ASCC1: variants seen among roughly 807,000 people sequenced by gnomAD.
ASCC1 encodes the protein activating signal cointegrator 1 complex subunit 1.
Under a neutral mutation model 46.6 loss-of-function variants are expected in ASCC1, and 35 were observed. That is an observed-to-expected ratio of 0.75 (90% confidence interval 0.57 to 0.99). The LOEUF is 0.99. Among genes scored for constraint, ASCC1 ranks in the 50% least tolerant of loss-of-function variants. The pLI is 0.00. For synonymous variants in ASCC1, 143 were observed against 146.6 expected (o/e 0.98, Z 0.18); for missense variants, 376 against 428.7 (o/e 0.88, Z 1.09).
chr10:72,188,222 G>A (rs899887560), intron 5 of ASCC1, among the ~76,000 whole-genome samples: 6 of 149,114 alleles, frequency 4.0e-5, no homozygotes, highest in South Asian at 2.1e-4. Context: ...GGGTTCAAGC[G>A]ATTCTCCTGC....
At chr10:72,108,260 A>G (rs942526820) in intron 9 of ASCC1, among the ~76,000 whole-genome samples, 3 of 151,534 alleles carry the variant, frequency 2.0e-5, no homozygotes, top group African/African-American at 2.4e-5. Context: ...CATTTTTTAT[A>G]GAGACAGGGT....
chr10:72,127,664 C>CTTTTTTTTTT (rs3063665), intron 9 of ASCC1, among the ~76,000 whole-genome samples: 30 of 129,974 alleles, frequency 2.3e-4, no homozygotes, highest in South Asian at 7.0e-4. Context: ...CTAAGGGTTT[C>CTTTTTTTTTT]TTTTTTTTTT....
chr10:72,209,113 C>T (rs949909525), intron 3 of ASCC1, among the ~76,000 whole-genome samples: 3 of 150,818 alleles, frequency 2.0e-5, no homozygotes, highest in Non-Finnish European at 4.4e-5. Flanking sequence ...TACAGTGAGC[C>T]GAGATCGCAC....
At chr10:72,143,570 T>TA (rs1564640289) in intron 7 of ASCC1, among the ~76,000 whole-genome samples, 1 of 149,982 alleles carries the variant, frequency 6.7e-6, no homozygotes. Flanking sequence ...TCAGAAAGTA[T>TA]AATATGCAAG....
At chr10:72,100,864 T>A (rs545512155) in intron 9 of ASCC1, among the ~76,000 whole-genome samples, 13 of 152,312 alleles carry the variant, frequency 8.5e-5, no homozygotes, top group African/African-American at 3.1e-4. Context: ...AAACTAATGC[T>A]GTAGATGTCC....
chr10:72,097,772 G>A (rs1841257665), intron 9 of ASCC1, among the ~76,000 whole-genome samples: 1 of 152,210 alleles, frequency 6.6e-6, no homozygotes, highest in South Asian at 2.1e-4. Context: ...ACGCCCCATG[G>A]CCACACCCTG....
chr10:72,207,300 G>A (rs139709353), intron 3 of ASCC1, among the ~76,000 whole-genome samples: 117 of 152,238 alleles, frequency 7.7e-4, no homozygotes, highest in African/African-American at 2.8e-3. Flanking sequence ...TGTAGTCCCA[G>A]CTACTCGGGA....
At position 72,153,002 on chromosome 10, in the gene ASCC1, A is replaced by G. The variant is rs1222941779; in HGVS notation, c.627-14T>C. On this transcript the variant is annotated splice_polypyrimidine_tract_variant and intron_variant, in intron 6 of 9. Transcript: ENST00000672957. ...CCAGAAATATCACTGCAAAGGAAAA[A>G]GCATTAAGATATCTATAACTGTTTA... 2 of 1,613,908 alleles carry G rather than the reference A, an allele frequency of 1.2e-6. No individual in the cohort carries two copies. Among genetic ancestry groups the G allele is most frequent in the Non-Finnish European group, 8.5e-7 (1 of 1,179,974 alleles).
chr10:72,119,528 G>C (rs893679688), intron 9 of ASCC1, among the ~76,000 whole-genome samples: 1 of 152,110 alleles, frequency 6.6e-6, no homozygotes, highest in African/African-American at 2.4e-5. Flanking sequence ...CCTAACGGGG[G>C]TGATGAGAAG....
intron 7 of ASCC1, among the ~76,000 whole-genome samples, chr10:72,139,771 C>T (rs186836804): frequency 7.2e-5 from 11 of 152,310 alleles, no homozygotes; most frequent in African/African-American, 2.4e-4. Context: ...GGCTTTCCCT[C>T]CCAATTTAAT....
Position 72,116,753 on chromosome 10 carries a change from T to C in ASCC1, c.957+11329A>G, listed in dbSNP as rs113119300. On this transcript the variant is annotated intron_variant, in intron 9 of 9. Transcript: ENST00000672957. ...TCTATTTGGTTCTTTTTCAGAACTG[T>C]TATATTGGTTTTTCTTTTTAATAGT... Among the ~76,000 whole-genome samples, 137 of 152,292 alleles carry C rather than the reference T, an allele frequency of 9.0e-4. 2 individuals are homozygous for C. Among genetic ancestry groups the C allele is most frequent in the African/African-American group, 3.2e-3 (133 of 41,584 alleles).
intron 8 of ASCC1, among the ~76,000 whole-genome samples, chr10:72,128,658 C>A (rs1845182932): frequency 1.3e-5 from 2 of 152,152 alleles, no homozygotes; most frequent in South Asian, 2.1e-4. Context: ...GGAAAAAGAG[C>A]CCTTCAGTTG....
At chr10:72,153,016 T>C (rs1275588071) in intron 6 of ASCC1, 28 bp from the exon 7 acceptor site, 3 of 1,613,588 alleles carry the variant, frequency 1.9e-6, no homozygotes, top group African/African-American at 1.3e-5. Context: ...TTAAGATATC[T>C]ATAACTGTTT....
chr10:72,128,437 C>T (rs1023500751), intron 8 of ASCC1, among the ~76,000 whole-genome samples: 1 of 152,166 alleles, frequency 6.6e-6, no homozygotes, highest in Non-Finnish European at 1.5e-5. Context: ...ATGCAACTAG[C>T]TACATTATTA....
chr10:72,162,810 GCA>G (rs1280632435), intron 5 of ASCC1, among the ~76,000 whole-genome samples: 5 of 151,978 alleles, frequency 3.3e-5, no homozygotes, highest in Non-Finnish European at 5.9e-5. Context: ...GGGTGTGGTG[GCA>G]GGCGCCTGTA....
intron 3 of ASCC1, among the ~76,000 whole-genome samples, chr10:72,203,875 CAA>C (rs1856839740): frequency 6.6e-6 from 1 of 152,142 alleles, no homozygotes; most frequent in Non-Finnish European, 1.5e-5. Flanking sequence ...CCCTGCTACT[CAA>C]AAGACTGAGG....
chr10:72,155,744 T>C (rs1007736832), intron 6 of ASCC1, among the ~76,000 whole-genome samples: 2 of 152,180 alleles, frequency 1.3e-5, no homozygotes, highest in African/African-American at 4.8e-5. Flanking sequence ...GACCCCTTAA[T>C]AAAGAAACTT....
intron 5 of ASCC1, among the ~76,000 whole-genome samples, chr10:72,168,880 G>C (rs1316491807): frequency 1.3e-5 from 2 of 152,178 alleles, no homozygotes; most frequent in African/African-American, 4.8e-5. Flanking sequence ...CCAAGTTCTA[G>C]AGCTAAGAGA....
intron 5 of ASCC1, among the ~76,000 whole-genome samples, chr10:72,194,069 A>G (rs1589567154): frequency 2.6e-5 from 4 of 150,950 alleles, no homozygotes; most frequent in Admixed American, 2.0e-4. Context: ...GTCTCAATCT[A>G]GAGACGGGGT....
Sources: gnomAD v4.1 joint callset for allele counts (sites outside exome capture counted in the v4.1 genomes callset) on GRCh38, gnomAD v4.1.1 for gene constraint, MANE v1.5 for transcripts, NCBI Gene and HGNC (gene_info 2026-07-23, HGNC 2026-07-21) for gene names.